NPC1: variants seen among roughly 807,000 people sequenced by gnomAD.
NPC1 encodes Niemann-Pick C1 protein.
A neutral mutation model predicts 140.4 loss-of-function variants in NPC1; 85 were observed. That is an observed-to-expected ratio of 0.61 (90% CI 0.51 to 0.72). NPC1 has a LOEUF of 0.72. Ranked by LOEUF, NPC1 falls within the 30% of genes least tolerant of loss-of-function variation. The probability of loss-of-function intolerance (pLI) is 0.00; values close to 1 mark genes in which losing one functional copy is unlikely to be tolerated. For synonymous variants in NPC1, 656 were observed against 624.8 expected, an observed-to-expected ratio of 1.05 and a Z score of -0.74; for missense variants, 1,504 against 1,623.8, an observed-to-expected ratio of 0.93 and a Z score of 1.27.
At chr18:23,517,664 G>A (rs531970742), downstream of NPC1, among the ~76,000 whole-genome samples, 2 of 152,082 alleles carry the variant, frequency 1.3e-5, no homozygotes, top group South Asian at 2.1e-4. Flanking sequence ...TTAGTATAAT[G>A]TTCTTTCATT....
chr18:23,536,543 C>T lies in NPC1; in HGVS notation c.3245+130G>A, dbSNP rs141281676. On this transcript the variant is annotated intron_variant, in intron 21 of 24. Coordinates refer to ENST00000269228, the MANE Select transcript of NPC1 (RefSeq NM_000271.5). The stretch of plus-strand genomic sequence containing the variant: ...CACCCATTTCCTTTGATATACTGCC[C>T]TGTGCTCAGAATGGAGCAGGGGCCA... 9.5e-4 allele frequency: 712 copies of T among 747,778 alleles called. 4 individuals are homozygous for T. The African/African-American group carries it at 0.011, about 12-fold the overall frequency. The allele number at this position is 747,778 out of a possible 1,614,324, so 46.3% of individuals were successfully genotyped here.
intron 12 of NPC1, 135 bp downstream of exon 12, chr18:23,544,825 T>G (rs2058760740): frequency 2.7e-6 from 2 of 747,036 alleles, no homozygotes; most frequent in Non-Finnish European, 4.6e-6. Context: ...ACAGAAACGT[T>G]ACATACAATT....
intron 3 of NPC1, chr18:23,515,919 A>T (rs1384735165): frequency 6.2e-7 from 1 of 1,614,008 alleles, no homozygotes; most frequent in Non-Finnish European, 8.5e-7. Context: ...GAATTGGTAC[A>T]TGTACTGCCC....
At chr18:23,561,131 C>A (rs2059032508) in intron 5 of NPC1, among the ~76,000 whole-genome samples, 1 of 152,162 alleles carries the variant, frequency 6.6e-6, no homozygotes, top group Non-Finnish European at 1.5e-5. Flanking sequence ...CCTGCCTCAG[C>A]CTCCCAAGTA....
chr18:23,515,690 G>A (rs748840374), intron 3 of NPC1, among the ~76,000 whole-genome samples: 19 of 152,082 alleles, frequency 1.2e-4, no homozygotes, highest in African/African-American at 4.1e-4. Flanking sequence ...GTGCCACCAC[G>A]CCTGGCTAAT....
rs60021403 is a variant in NPC1, at chr18:23,546,248, C to CAAA, written c.1758-1102_1758-1100dup. On this transcript the variant is annotated intron_variant, in intron 11 of 24. Coordinates refer to ENST00000269228, the MANE Select transcript of NPC1 (RefSeq NM_000271.5). ...TGGATGACACAGCAAGACTCTGTCTCAAAAAAAAAAAAAAAAAAAAAAAAA... is the reference window on the plus strand; with the variant it reads ...TGGATGACACAGCAAGACTCTGTCTCAAAAAAAAAAAAAAAAAAAAAAAAAAAA... 7.9e-4 allele frequency among the ~76,000 whole-genome samples: 36 copies of CAAA among 45,578 alleles called. 2 individuals are homozygous for CAAA. Among genetic ancestry groups the CAAA allele is most frequent in the East Asian group, 4.2e-3 (4 of 956 alleles). The allele number at this position is 45,578 out of a possible 152,430, so 29.9% of individuals were successfully genotyped here.
intron 4 of NPC1, among the ~76,000 whole-genome samples, chr18:23,562,391 A>G (rs1462799009): frequency 2.6e-5 from 4 of 152,006 alleles, no homozygotes; most frequent in Non-Finnish European, 5.9e-5. Flanking sequence ...GGATAGTATC[A>G]GTGTATTACA....
At chr18:23,524,347 G>A (rs2058232119), downstream of NPC1, 3 of 1,529,802 alleles carry the variant, frequency 2.0e-6, no homozygotes, top group African/African-American at 2.7e-5. Flanking sequence ...AGTACATGGT[G>A]GGCAGGGGCG....
Position 23,586,274 on chromosome 18 carries a change from G to C in NPC1, c.57+13C>G. The C allele has an allele frequency of 6.5e-7, 1 of 1,532,016 alleles. No individual in the cohort carries two copies. The highest frequency in any genetic ancestry group is 8.7e-7 in the Non-Finnish European group (1 of 1,145,342). The allele number at this position is 1,532,016 out of a possible 1,614,324, so 94.9% of individuals were successfully genotyped here. On this transcript the variant is annotated intron_variant, in intron 1 of 24. Transcript: ENST00000269228. ...GTCCCCACAGGGCGTCCCGGTGGCCGGCGACCGCTCACCTGCGCTGGACAC... is the reference window on the plus strand; with the variant it reads ...GTCCCCACAGGGCGTCCCGGTGGCCCGCGACCGCTCACCTGCGCTGGACAC...
chr18:23,532,851 T>C (rs2058557910), intron 24 of NPC1: 2 of 983,900 alleles, frequency 2.0e-6, no homozygotes, highest in Non-Finnish European at 1.2e-6. Context: ...CAAATCAGTA[T>C]TGTTCTTTCA....
chr18:23,586,254 C>T, intron 1 of NPC1, 33 bp downstream of exon 1: 2 of 1,531,006 alleles, frequency 1.3e-6, no homozygotes, highest in Non-Finnish European at 1.7e-6. Flanking sequence ...GCCACGTCCC[C>T]ACAGGGCGTC....
chr18:23,523,827 C>T (rs540613045), intron 1 of NPC1, among the ~76,000 whole-genome samples: 1 of 152,254 alleles, frequency 6.6e-6, no homozygotes, highest in South Asian at 2.1e-4. Context: ...TTTCTCAGTT[C>T]CTTAACGTGC....
chr18:23,550,025 T>C (rs1238498182), intron 10 of NPC1, among the ~76,000 whole-genome samples: 1 of 151,970 alleles, frequency 6.6e-6, no homozygotes, highest in Non-Finnish European at 1.5e-5. Context: ...GTCCAGTTTT[T>C]TTTTTTTTCT....
intron 1 of NPC1, among the ~76,000 whole-genome samples, chr18:23,574,009 TGAA>T (rs1225219355): frequency 1.3e-5 from 2 of 152,150 alleles, no homozygotes; most frequent in South Asian, 2.1e-4. Flanking sequence ...ATGAGTAACA[TGAA>T]GAACAAAACA....
At chr18:23,547,135 G>A (rs899243504) in intron 11 of NPC1, among the ~76,000 whole-genome samples, 1 of 152,072 alleles carries the variant, frequency 6.6e-6, no homozygotes, top group African/African-American at 2.4e-5. Context: ...TATACTTTAA[G>A]TGGGTGAACT....
intron 1 of NPC1, among the ~76,000 whole-genome samples, chr18:23,583,741 C>G (rs1170683616): frequency 6.6e-6 from 1 of 152,170 alleles, no homozygotes; most frequent in Non-Finnish European, 1.5e-5. Context: ...ATAACAAACA[C>G]TGGAGGAATA....
At chr18:23,526,402 G>GAGTC (rs981737744), downstream of NPC1, among the ~76,000 whole-genome samples, 3 of 152,202 alleles carry the variant, frequency 2.0e-5, no homozygotes, top group African/African-American at 7.2e-5. Context: ...ACTTGGAAAA[G>GAGTC]AGTCAGCCAG....
At chr18:23,513,506 G>A (rs1359196966) in intron 3 of NPC1, among the ~76,000 whole-genome samples, 1 of 152,198 alleles carries the variant, frequency 6.6e-6, no homozygotes, top group African/African-American at 2.4e-5. Flanking sequence ...TGTCAATACA[G>A]GTATGCAGAT....
intron 12 of NPC1, 107 bp from the exon 13 acceptor site, chr18:23,544,633 G>A: frequency 4.0e-6 from 4 of 1,000,896 alleles, no homozygotes; most frequent in Non-Finnish European, 3.1e-6. Context: ...TAAACCTAGA[G>A]TTGAATGTAC....
Sources: allele counts gnomAD v4.1 joint callset (sites outside exome capture counted in the v4.1 genomes callset), GRCh38; gene constraint gnomAD v4.1.1; transcripts MANE v1.5; gene names NCBI Gene and HGNC (gene_info 2026-07-23, HGNC 2026-07-21).